The following CCSER1 variants were observed in gnomAD, a reference collection of about 807,000 sequenced individuals.
CCSER1 encodes coiled-coil serine rich protein 1.
CCSER1 carries 41 observed loss-of-function variants against 82.0 expected under a neutral mutation model. The observed-to-expected ratio is 0.50, with a 90% CI of 0.39 to 0.65. The LOEUF is 0.65. CCSER1 is among the 30% of genes least tolerant of loss of function. CCSER1 has a pLI of 0.00. For missense variants in CCSER1, 1,119 were observed against 1,064.2 expected (o/e 1.05, Z -0.72); for synonymous variants, 414 against 383.9 (o/e 1.08, Z -0.92).
At chr4:91,076,049 C>A (rs978538576) in intron 9 of CCSER1, among the ~76,000 whole-genome samples, 1 of 152,128 alleles carries the variant, frequency 6.6e-6, no homozygotes, top group African/African-American at 2.4e-5. Flanking sequence ...TGGCATCTCC[C>A]AGATCATAGA....
intron 4 of CCSER1, among the ~76,000 whole-genome samples, chr4:90,435,917 C>G (rs1397113405): frequency 6.6e-6 from 1 of 151,634 alleles, no homozygotes; most frequent in Non-Finnish European, 1.5e-5. Context: ...TGTTTATGGA[C>G]TATAAACCAA....
chr4:90,827,202 T>G (rs899206907), intron 8 of CCSER1, among the ~76,000 whole-genome samples: 11 of 152,240 alleles, frequency 7.2e-5, no homozygotes, highest in Admixed American at 2.0e-4. Context: ...ACCAGAGTGC[T>G]GCCTTCCTTT....
intron 3 of CCSER1, among the ~76,000 whole-genome samples, chr4:90,351,592 G>C (rs13117576): frequency 0.024 from 3,630 of 152,080 alleles, 72 homozygotes; most frequent in Non-Finnish European, 0.038. Flanking sequence ...CAGTGTGTAT[G>C]TTCAACAATA....
intron 10 of CCSER1, among the ~76,000 whole-genome samples, chr4:91,248,991 G>A (rs1253580595): frequency 6.6e-6 from 1 of 152,062 alleles, no homozygotes; most frequent in Non-Finnish European, 1.5e-5. Flanking sequence ...TTGCCATAGA[G>A]CTCTTTATGA....
intron 1 of CCSER1, among the ~76,000 whole-genome samples, chr4:90,208,137 G>A (rs755910626): frequency 4.6e-5 from 7 of 152,302 alleles, no homozygotes; most frequent in Non-Finnish European, 8.8e-5. Context: ...CAGGGAAATA[G>A]GAGTTTTATC....
intron 1 of CCSER1, among the ~76,000 whole-genome samples, chr4:90,168,964 T>G (rs1462179188): frequency 6.6e-6 from 1 of 151,948 alleles, no homozygotes; most frequent in Non-Finnish European, 1.5e-5. Flanking sequence ...TGCGGGCTCT[T>G]TTTTGGTTCC....
At chr4:91,060,874 C>G (rs913223422) in intron 9 of CCSER1, among the ~76,000 whole-genome samples, 1 of 152,050 alleles carries the variant, frequency 6.6e-6, no homozygotes, top group Non-Finnish European at 1.5e-5. Flanking sequence ...TTGTTTTTCA[C>G]TGGCCAAGCC....
chr4:91,497,819 ATTTAATG>A (rs1268578752), intron 10 of CCSER1, among the ~76,000 whole-genome samples: 2 of 151,982 alleles, frequency 1.3e-5, no homozygotes, highest in Non-Finnish European at 2.9e-5. Context: ...ATGAACTGAT[ATTTAATG>A]TTTTATGATG....
chr4:90,382,275 G>A (rs1003006574), intron 3 of CCSER1, among the ~76,000 whole-genome samples: 1 of 151,936 alleles, frequency 6.6e-6, no homozygotes. Flanking sequence ...CATTTTAGAT[G>A]AAATGAATAT....
chr4:91,340,790 T>C (rs971036365), intron 10 of CCSER1, among the ~76,000 whole-genome samples: 1 of 152,220 alleles, frequency 6.6e-6, no homozygotes, highest in African/African-American at 2.4e-5. Context: ...CACAGGAATT[T>C]CTATATCAAT....
At chr4:90,572,004 A>C (rs1780174647) in intron 5 of CCSER1, among the ~76,000 whole-genome samples, 1 of 152,140 alleles carries the variant, frequency 6.6e-6, no homozygotes. Flanking sequence ...CATATTACTC[A>C]TTGGCATTTT....
At chr4:90,317,153 A>G (rs189582127) in intron 3 of CCSER1, among the ~76,000 whole-genome samples, 1 of 152,338 alleles carries the variant, frequency 6.6e-6, no homozygotes, top group Non-Finnish European at 1.5e-5. Flanking sequence ...TGGGTTCTCC[A>G]ATGGCTTTAC....
At chr4:91,533,694 A>G (rs1761148753) in intron 10 of CCSER1, among the ~76,000 whole-genome samples, 1 of 152,058 alleles carries the variant, frequency 6.6e-6, no homozygotes, top group Non-Finnish European at 1.5e-5. Context: ...GATTTAATGC[A>G]GTTGAGTTCT....
chr4:91,228,448 G>A (rs1738377732), intron 10 of CCSER1, among the ~76,000 whole-genome samples: 1 of 151,604 alleles, frequency 6.6e-6, no homozygotes, highest in Admixed American at 6.6e-5. Context: ...TTACAGAAAT[G>A]CAGAATGAGA....
intron 3 of CCSER1, among the ~76,000 whole-genome samples, chr4:90,350,392 A>G (rs1743217877): frequency 6.6e-6 from 1 of 152,128 alleles, no homozygotes; most frequent in Admixed American, 6.5e-5. Context: ...ATTCTTGATT[A>G]TGAGTATTAT....
intron 1 of CCSER1, among the ~76,000 whole-genome samples, chr4:90,212,601 G>C (rs1740234808): frequency 6.6e-6 from 1 of 152,140 alleles, no homozygotes; most frequent in South Asian, 2.1e-4. Context: ...AATCAAGTTA[G>C]AAAGTTGTTT....
chr4:91,291,507 C>G (rs931269243), intron 10 of CCSER1, among the ~76,000 whole-genome samples: 1 of 151,910 alleles, frequency 6.6e-6, no homozygotes, highest in African/African-American at 2.4e-5. Context: ...TCTGGGGATT[C>G]CTCAGGAAAC....
At chr4:91,080,807 GA>G in intron 9 of CCSER1, among the ~76,000 whole-genome samples, 1 of 152,124 alleles carries the variant, frequency 6.6e-6, no homozygotes, top group Non-Finnish European at 1.5e-5. Context: ...AAATAAACCA[GA>G]AAATCTAGAA....
chr4:90,887,487 C>A (rs955027864), intron 8 of CCSER1, among the ~76,000 whole-genome samples: 3 of 152,152 alleles, frequency 2.0e-5, no homozygotes, highest in African/African-American at 7.2e-5. Flanking sequence ...TATTCTTGCA[C>A]CATTTCTCTC....
Sources: allele counts gnomAD v4.1 joint callset (sites outside exome capture counted in the v4.1 genomes callset), GRCh38; gene constraint gnomAD v4.1.1; transcripts MANE v1.5; gene names NCBI Gene and HGNC (gene_info 2026-07-23, HGNC 2026-07-21).